Variants in GALNTL6 observed in about 807,000 individuals in gnomAD.
GALNTL6 encodes polypeptide N-acetylgalactosaminyltransferase-like 6.
Under a neutral mutation model 73.7 loss-of-function variants are expected in GALNTL6, and 46 were observed. That is an observed-to-expected ratio of 0.62 (90% CI 0.49 to 0.80). The LOEUF (loss-of-function observed/expected upper bound fraction) is 0.80, where lower values mean the gene tolerates loss of function less well. GALNTL6 is among the 30% of genes least tolerant of loss of function. GALNTL6 has a pLI of 0.00. For synonymous variants in GALNTL6, 259 were observed against 263.7 expected, an observed-to-expected ratio of 0.98 and a Z score of 0.17; for missense variants, 604 against 755.0, an observed-to-expected ratio of 0.80 and a Z score of 2.34.
intron 7 of GALNTL6, among the ~76,000 whole-genome samples, chr4:172,820,552 C>T (rs1231649597): frequency 6.6e-6 from 1 of 152,090 alleles, no homozygotes; most frequent in Non-Finnish European, 1.5e-5. Flanking sequence ...AGAATATAAG[C>T]TTAGAAGGAT....
chr4:172,384,261 T>A (rs1011245880), intron 5 of GALNTL6, among the ~76,000 whole-genome samples: 6 of 152,128 alleles, frequency 3.9e-5, no homozygotes, highest in African/African-American at 1.4e-4. Flanking sequence ...GTTTTCCTAA[T>A]TACTGTTTCA....
At chr4:172,130,876 C>T (rs1733470193) in intron 2 of GALNTL6, among the ~76,000 whole-genome samples, 1 of 151,978 alleles carries the variant, frequency 6.6e-6, no homozygotes, top group Non-Finnish European at 1.5e-5. Flanking sequence ...TATTTCATTA[C>T]ACATTGGGCA....
chr4:172,862,272 C>T (rs779287501), intron 7 of GALNTL6, among the ~76,000 whole-genome samples: 6 of 152,186 alleles, frequency 3.9e-5, no homozygotes, highest in Non-Finnish European at 8.8e-5. Context: ...GTCACTCTTG[C>T]TGTGCAAAGA....
intron 2 of GALNTL6, among the ~76,000 whole-genome samples, chr4:171,877,535 C>T (rs1179578646): frequency 6.6e-6 from 1 of 152,070 alleles, no homozygotes; most frequent in Non-Finnish European, 1.5e-5. Flanking sequence ...CCAGCCTCAG[C>T]ATTGTGGTAC....
chr4:172,911,637 C>T (rs1460139064), intron 8 of GALNTL6, among the ~76,000 whole-genome samples: 2 of 152,192 alleles, frequency 1.3e-5, no homozygotes, highest in Non-Finnish European at 2.9e-5. Flanking sequence ...TGACTCTAAA[C>T]TCATTCAGAA....
At chr4:172,091,837 A>T (rs1382410469) in intron 2 of GALNTL6, among the ~76,000 whole-genome samples, 1 of 152,244 alleles carries the variant, frequency 6.6e-6, no homozygotes, top group African/African-American at 2.4e-5. Context: ...AGAGAGAGAC[A>T]GTGAGAGAGA....
intron 2 of GALNTL6, among the ~76,000 whole-genome samples, chr4:171,849,192 C>A (rs779991181): frequency 6.6e-6 from 1 of 152,152 alleles, no homozygotes; most frequent in Non-Finnish European, 1.5e-5. Context: ...TTCTTCCTTT[C>A]GCTTCAACAC....
chr4:173,001,334 T>A (rs2126476943), intron 10 of GALNTL6, among the ~76,000 whole-genome samples: 1 of 152,294 alleles, frequency 6.6e-6, no homozygotes, highest in South Asian at 2.1e-4. Flanking sequence ...TGCAAAAAAA[T>A]GAGGTTGTAA....
intron 5 of GALNTL6, among the ~76,000 whole-genome samples, chr4:172,621,950 A>G (rs1225525925): frequency 2.6e-5 from 4 of 152,110 alleles, no homozygotes; most frequent in Non-Finnish European, 5.9e-5. Flanking sequence ...AACGGCATTC[A>G]TGGGACCGAG....
chr4:172,625,349 G>C (rs776243991), intron 5 of GALNTL6, among the ~76,000 whole-genome samples: 55 of 151,962 alleles, frequency 3.6e-4, no homozygotes, highest in Non-Finnish European at 6.6e-4. Context: ...CTGCATCCAG[G>C]TCGCTGCAGA....
chr4:172,053,440 C>T (rs1341837385), intron 2 of GALNTL6, among the ~76,000 whole-genome samples: 6 of 152,116 alleles, frequency 3.9e-5, no homozygotes, highest in African/African-American at 1.4e-4. Context: ...GGTAGCCATT[C>T]TCCTGAAAGC....
intron 2 of GALNTL6, among the ~76,000 whole-genome samples, chr4:172,094,280 A>G (rs958046037): frequency 1.3e-5 from 2 of 152,184 alleles, no homozygotes; most frequent in Non-Finnish European, 2.9e-5. Context: ...GTGATTGTCT[A>G]TCACTTAATT....
At chr4:172,362,042 C>G (rs1742388642) in intron 5 of GALNTL6, among the ~76,000 whole-genome samples, 1 of 152,104 alleles carries the variant, frequency 6.6e-6, no homozygotes, top group Non-Finnish European at 1.5e-5. Context: ...ATATCTCCAA[C>G]AACTTTGAGT....
Position 172,518,669 on chromosome 4 carries a change from T to C in GALNTL6, c.553+169980T>C, listed in dbSNP as rs183388602. Among the ~76,000 whole-genome samples, 8 of 152,104 alleles carry C rather than the reference T, an allele frequency of 5.3e-5. No individual in the cohort carries two copies. In the East Asian group the frequency reaches 1.5e-3, roughly 29 times the overall value. On this transcript the variant is annotated intron_variant, in intron 5 of 12. Transcript: ENST00000506823. ...TTTCGAATTAATAACTCATTATAACTTCTTAATCGATAACATTTCAAATTA... is the reference window on the plus strand; with the variant it reads ...TTTCGAATTAATAACTCATTATAACCTCTTAATCGATAACATTTCAAATTA...
At chr4:172,603,929 C>G (rs1214479292) in intron 5 of GALNTL6, among the ~76,000 whole-genome samples, 2 of 152,198 alleles carry the variant, frequency 1.3e-5, no homozygotes, top group African/African-American at 2.4e-5. Context: ...CTGTGTTCCA[C>G]AGCCTCAGAA....
chr4:172,056,818 G>C lies in GALNTL6; in HGVS notation c.139-172838G>C, dbSNP rs914303979. 4.6e-5 allele frequency among the ~76,000 whole-genome samples: 7 copies of C among 151,854 alleles called. No individual in the cohort carries two copies. The East Asian group carries it at 1.3e-3, about 29-fold the overall frequency. On this transcript the variant is annotated intron_variant, in intron 2 of 12. Coordinates refer to ENST00000506823, the MANE Select transcript of GALNTL6 (RefSeq NM_001034845.3). ...AAGTATCTTTTCATTTCATCAGTAT[G>C]CAAAAAAATTATAGACTATGTGTAT...
intron 5 of GALNTL6, among the ~76,000 whole-genome samples, chr4:172,778,991 TCA>T (rs899878677): frequency 6.6e-6 from 1 of 150,936 alleles, no homozygotes; most frequent in Non-Finnish European, 1.5e-5. Context: ...TCTCTCTCTC[TCA>T]CACACACACT....
At chr4:172,378,467 C>T (rs962541802) in intron 5 of GALNTL6, among the ~76,000 whole-genome samples, 3 of 152,068 alleles carry the variant, frequency 2.0e-5, no homozygotes, top group African/African-American at 7.2e-5. Context: ...TTCGATAACA[C>T]TAATTGTGTA....
At chr4:172,486,696 C>G (rs1372040799) in intron 5 of GALNTL6, among the ~76,000 whole-genome samples, 2 of 152,170 alleles carry the variant, frequency 1.3e-5, no homozygotes, top group Admixed American at 6.6e-5. Context: ...CTAAAGAATT[C>G]TACGCATATT....
Sources: allele counts gnomAD v4.1 joint callset (sites outside exome capture counted in the v4.1 genomes callset), GRCh38; gene constraint gnomAD v4.1.1; transcripts MANE v1.5; gene names NCBI Gene and HGNC (gene_info 2026-07-23, HGNC 2026-07-21).